Variants in ABCB11 observed in about 807,000 individuals in gnomAD.
ABCB11 encodes ATP binding cassette subfamily B member 11, also known as bile salt export pump.
A neutral mutation model predicts 148.0 loss-of-function variants in ABCB11; 95 were observed. That is an observed-to-expected ratio of 0.64 (90% CI 0.54 to 0.76). The LOEUF is 0.76. ABCB11 is among the 30% of genes least tolerant of loss of function. The probability of loss-of-function intolerance (pLI) is 0.00; values close to 1 mark genes in which losing one functional copy is unlikely to be tolerated. For missense variants in ABCB11, 1,523 were observed against 1,617.8 expected (o/e 0.94, Z 1.01); for synonymous variants, 591 against 555.4 (o/e 1.06, Z -0.90).
At position 168,986,220 on chromosome 2, in the gene ABCB11, A is replaced by G. The variant is rs1487274737; in HGVS notation, c.973T>C (p.Phe325Leu). The G allele has an allele frequency of 8.7e-6, 14 of 1,613,476 alleles. No homozygotes were observed. The highest frequency in any genetic ancestry group is 1.0e-5 in the Non-Finnish European group (12 of 1,179,640). ...ATGAGACACCACACGAATCCAGTAA[A>G]GAATCCCATCACTATTCCTTTTCTA... Reference protein sequence around the residue: ...GIRKGIVMGFFTGFVWCLIFL... With the variant: ...GIRKGIVMGFLTGFVWCLIFL... The change falls in exon 10 of 28, where the codon TTT becomes CTT. Residue 325 changes from phenylalanine (F) to leucine (L), a missense_variant. Phe to Leu is a conservative substitution (Grantham distance 22). Transcript: ENST00000650372.
At chr2:168,933,961 C>G (rs1691701136) in intron 23 of ABCB11, among the ~76,000 whole-genome samples, 1 of 152,086 alleles carries the variant, frequency 6.6e-6, no homozygotes, top group Non-Finnish European at 1.5e-5. Flanking sequence ...CCATGTTGGC[C>G]AGGCTGGTCT....
intron 5 of ABCB11, among the ~76,000 whole-genome samples, chr2:169,012,860 TC>T (rs1407916967): frequency 6.6e-6 from 1 of 151,194 alleles, no homozygotes; most frequent in East Asian, 1.9e-4. Context: ...AGGGTTAAGA[TC>T]AAGTGGATCA....
Position 168,964,284 on chromosome 2 carries a change from C to T in ABCB11, c.2100G>A (p.Lys700=), listed in dbSNP as rs1474663034. 1.3e-6 allele frequency: 2 copies of T among 1,568,702 alleles called. No homozygotes were observed. Among genetic ancestry groups the T allele is most frequent in the East Asian group, 2.3e-5 (1 of 42,640 alleles). ...SLRASIRQRS[K]SQLSYLVHEP... The stretch of plus-strand genomic sequence containing the variant: ...CGTGCACCAGGTAAGAAAGCTGAGA[C>T]TTGGAGCGTTGCCGGATGGAAGCCC... The change falls in exon 18 of 28, where the codon AAG becomes AAA. Residue 700 remains lysine, a synonymous_variant. Transcript: ENST00000650372.
intron 3 of ABCB11, 116 bp downstream of exon 3, chr2:169,016,662 T>C (rs1245855688): frequency 1.2e-6 from 1 of 808,670 alleles, no homozygotes; most frequent in Admixed American, 2.5e-5. Context: ...GGATTGTATA[T>C]ATTATTTTAT....
chr2:168,922,107 C>CGGGATTA lies in ABCB11; in HGVS notation c.*1514_*1515insTAATCCC, dbSNP rs1279987979. Among the ~76,000 whole-genome samples the CGGGATTA allele has an allele frequency of 6.6e-6, 1 of 152,122 alleles. No homozygotes were observed. Among genetic ancestry groups the CGGGATTA allele is most frequent in the Non-Finnish European group, 1.5e-5 (1 of 68,020 alleles). ...CTCATGATCCGCCCGCCTTGGCCTCCCAAAGTGCTGGGATTACAGGAGTGA... is the reference window on the plus strand; with the variant it reads ...CTCATGATCCGCCCGCCTTGGCCTCCGGGATTACAAAGTGCTGGGATTACAGGAGTGA... On this transcript the variant is annotated 3_prime_UTR_variant, in exon 28 of 28. Coordinates refer to ENST00000650372, the MANE Select transcript of ABCB11 (RefSeq NM_003742.4).
Position 168,972,982 on chromosome 2 carries a change from G to C in ABCB11, c.1434+733C>G, listed in dbSNP as rs186244401. On this transcript the variant is annotated intron_variant, in intron 13 of 27. Coordinates refer to ENST00000650372, the MANE Select transcript of ABCB11 (RefSeq NM_003742.4). ...GACAATAAGTAATCATTTTAATAAA[G>C]TATCTGACACATAATATGTGATAAA... Among the ~76,000 whole-genome samples, 266 of 152,092 alleles carry C rather than the reference G, an allele frequency of 1.7e-3. 1 individual carries two copies. The highest frequency in any genetic ancestry group is 6.8e-3 in the Middle Eastern group (2 of 294).
intron 19 of ABCB11, among the ~76,000 whole-genome samples, chr2:168,954,306 T>C (rs1013228096): frequency 6.6e-6 from 1 of 151,648 alleles, no homozygotes; most frequent in African/African-American, 2.4e-5. Flanking sequence ...GATTATTTTA[T>C]ATGAACTGTG....
intron 5 of ABCB11, among the ~76,000 whole-genome samples, chr2:169,005,330 G>A (rs550556394): frequency 5.9e-5 from 9 of 152,092 alleles, no homozygotes; most frequent in Non-Finnish European, 1.0e-4. Context: ...GGCAGGGATA[G>A]GCGCCTCTGA....
rs1691524215 is a variant in ABCB11 at position 168,930,652 on chromosome 2, T to C, written c.3411+13A>G. The C allele has an allele frequency of 2.0e-6, 3 of 1,484,612 alleles. No homozygotes were observed. Among genetic ancestry groups the C allele is most frequent in the Non-Finnish European group, 1.8e-6 (2 of 1,110,616 alleles). The allele number at this position is 1,484,612 out of a possible 1,614,324, so 92.0% of individuals were successfully genotyped here. On this transcript the variant is annotated intron_variant, in intron 25 of 27. Transcript: ENST00000650372. ...GCAGAAGGCAAAATTCTCAAAAAGGTTGCGTGGCTTACCACCTTCCCTTGA... is the reference window on the plus strand; with the variant it reads ...GCAGAAGGCAAAATTCTCAAAAAGGCTGCGTGGCTTACCACCTTCCCTTGA...
chr2:169,018,162 A>G lies in ABCB11; in HGVS notation c.-27-10T>C, dbSNP rs1265177437. ...CCCACAGCCAACGACCCTATAAAATAAAATAAAAGAATCATTGCAATTATT... is the reference window on the plus strand; with the variant it reads ...CCCACAGCCAACGACCCTATAAAATGAAATAAAAGAATCATTGCAATTATT... On this transcript the variant is annotated splice_polypyrimidine_tract_variant and intron_variant, in intron 1 of 27. Coordinates refer to ENST00000650372, the MANE Select transcript of ABCB11 (RefSeq NM_003742.4). The G allele has an allele frequency of 6.3e-7, 1 of 1,599,308 alleles. No homozygotes were observed. The highest frequency in any genetic ancestry group is 2.2e-5 in the East Asian group (1 of 44,782).
chr2:168,927,936 A>AAATATAATCT (rs1691388604), intron 25 of ABCB11, among the ~76,000 whole-genome samples: 1 of 152,222 alleles, frequency 6.6e-6, no homozygotes, highest in African/African-American at 2.4e-5. Context: ...TACGTAAAGA[A>AAATATAATCT]AATATAATCT....
rs1691354017 is a variant in ABCB11 at position 168,927,184 on chromosome 2, A to G, written c.3590T>C (p.Leu1197Pro). The G allele has an allele frequency of 6.2e-7, 1 of 1,613,760 alleles. No individual in the cohort carries two copies. Among genetic ancestry groups the G allele is most frequent in the Admixed American group, 1.7e-5 (1 of 60,006 alleles). Reference sequence around the variant, plus strand: ...TGGGAGTGACATGACAAAATCATGCAGCTGAGCCTGTTTTGCAGCTGCTAT... The same window carrying G: ...TGGGAGTGACATGACAAAATCATGCGGCTGAGCCTGTTTTGCAGCTGCTAT... ...RVIAAAKQAQ[L>P]HDFVMSLPEK... Residue 1197 changes from leucine (L) to proline (P), a missense_variant, in exon 26 of 28, where the codon CTG (leucine) becomes CCG (proline). Transcript: ENST00000650372.
Position 168,979,931 on chromosome 2 carries a change from G to C in ABCB11, c.1132C>G (p.Pro378Ala), listed in dbSNP as rs758522376. The C allele has an allele frequency of 3.7e-6, 6 of 1,611,132 alleles. No homozygotes were observed. ...CCAGTTGCAAAGGCTTCCAAACAAGGAGAGGCATTGCCAAGATTTAAAGCT... is the reference window on the plus strand; with the variant it reads ...CCAGTTGCAAAGGCTTCCAAACAAGCAGAGGCATTGCCAAGATTTAAAGCT... ...VGALNLGNASPCLEAFATGRA... is the reference protein window; with the variant it reads ...VGALNLGNASACLEAFATGRA... The change falls in exon 11 of 28, where the codon CCT becomes GCT. Residue 378 changes from proline to alanine, a missense_variant. Transcript: ENST00000650372.
At position 168,923,245 on chromosome 2, in the gene ABCB11, A is replaced by G. The variant is rs1019296334; in HGVS notation, c.*377T>C. ...CACCGAGGGTTCAAAAATGAAAGACAGTTCTCTGCCCTTGAGGAGTTCAAA... is the reference window on the plus strand; with the variant it reads ...CACCGAGGGTTCAAAAATGAAAGACGGTTCTCTGCCCTTGAGGAGTTCAAA... On this transcript the variant is annotated 3_prime_UTR_variant, in exon 28 of 28. Coordinates refer to ENST00000650372, the MANE Select transcript of ABCB11 (RefSeq NM_003742.4). 4.2e-6 allele frequency: 1 copy of G among 235,808 alleles called. No individual in the cohort carries two copies. The highest frequency in any genetic ancestry group is 2.2e-5 in the African/African-American group (1 of 44,828). 14.6% of individuals were successfully genotyped at this position (235,808 alleles called of 1,614,324 possible). A position where few individuals can be genotyped will look rare whatever the true frequency, so the allele number is the denominator to read the frequency against.
rs897159825 is a variant in ABCB11 at position 168,923,357 on chromosome 2, G to A, written c.*265C>T. On this transcript the variant is annotated 3_prime_UTR_variant, in exon 28 of 28. Transcript: ENST00000650372. ...CAGAGAAGCACTGAGTGGTGGCTGA[G>A]CTGCCACTTGACATTGGGTTTTCCC... 2 of 540,178 alleles carry A rather than the reference G, an allele frequency of 3.7e-6. No homozygotes were observed. Among genetic ancestry groups the A allele is most frequent in the East Asian group, 6.3e-5 (2 of 31,696 alleles). 33.5% of individuals were successfully genotyped at this position (540,178 alleles called of 1,614,324 possible). A position where few individuals can be genotyped will look rare whatever the true frequency, so the allele number is the denominator to read the frequency against.
rs746026887 is a variant in ABCB11, at chr2:168,995,329, C to G, written c.611+20G>C. ...TATCCAAAAATCACACACTAAAATA[C>G]TGTTTTACCAGCTACTTACTCAGAG... On this transcript the variant is annotated intron_variant, in intron 7 of 27. Coordinates refer to ENST00000650372, the MANE Select transcript of ABCB11 (RefSeq NM_003742.4). The G allele has an allele frequency of 6.2e-7, 1 of 1,607,934 alleles. No homozygotes were observed. Among genetic ancestry groups the G allele is most frequent in the African/African-American group, 1.3e-5 (1 of 74,766 alleles).
chr2:168,950,104 A>T (rs1024234671), intron 19 of ABCB11, among the ~76,000 whole-genome samples: 8 of 148,790 alleles, frequency 5.4e-5, no homozygotes, highest in African/African-American at 2.0e-4. Context: ...TATATATATA[A>T]AATGATATAT....
chr2:168,995,346 T>C lies in ABCB11; in HGVS notation c.611+3A>G. The C allele has an allele frequency of 6.2e-7, 1 of 1,611,336 alleles. No individual in the cohort carries two copies. The highest frequency in any genetic ancestry group is 8.5e-7 in the Non-Finnish European group (1 of 1,178,430). On this transcript the variant is annotated splice_donor_region_variant and intron_variant, in intron 7 of 27. Coordinates refer to ENST00000650372, the MANE Select transcript of ABCB11 (RefSeq NM_003742.4). ...CTAAAATACTGTTTTACCAGCTACT[T>C]ACTCAGAGAATCTTGTATTCAGCTC...
chr2:168,935,070 T>A, intron 23 of ABCB11, 114 bp downstream of exon 23: 2 of 1,412,788 alleles, frequency 1.4e-6, no homozygotes, highest in Non-Finnish European at 1.9e-6. Flanking sequence ...TCCCAGCTAT[T>A]GTAAGACACC....
Sources: gnomAD v4.1 joint callset for allele counts (sites outside exome capture counted in the v4.1 genomes callset) on GRCh38, gnomAD v4.1.1 for gene constraint, MANE v1.5 for transcripts, NCBI Gene and HGNC (gene_info 2026-07-23, HGNC 2026-07-21) for gene names.